The following DMD variants were observed in gnomAD, a reference collection of about 807,000 sequenced individuals.
The protein encoded by DMD is dystrophin.
In DMD, 63 loss-of-function variants were observed where a neutral mutation model predicts 330.1. The observed-to-expected ratio is 0.19, with a 90% CI of 0.16 to 0.24. DMD has a LOEUF of 0.24. Ranked by LOEUF, DMD falls within the 10% of genes least tolerant of loss-of-function variation. DMD has a pLI of 1.00. For synonymous variants in DMD, 1,223 were observed against 959.8 expected (o/e 1.27, Z -5.07); for missense variants, 3,344 against 2,684.1 (o/e 1.25, Z -5.43).
intron 55 of DMD, among the ~76,000 whole-genome samples, chrX:31,538,466 T>C (rs1308489915): frequency 1.8e-5 from 2 of 112,188 alleles, no homozygotes; most frequent in Non-Finnish European, 3.8e-5. Flanking sequence ...CTCTAGTGTC[T>C]AGCCTAATGT....
chrX:31,640,608 T>G (rs867907287), intron 54 of DMD, among the ~76,000 whole-genome samples: 4 of 112,354 alleles, frequency 3.6e-5, no homozygotes, highest in Non-Finnish European at 7.5e-5. Flanking sequence ...AACTAATAGA[T>G]AGGGACATGT....
chrX:32,756,509 A>T (rs1163494756), intron 7 of DMD: 1 of 111,691 alleles, frequency 9.0e-6, no homozygotes, highest in Non-Finnish European at 1.9e-5. Context: ...AAATAACCCT[A>T]TGGGCAACTT....
chrX:31,403,679 C>G (rs759211900), intron 60 of DMD, among the ~76,000 whole-genome samples: 1 of 111,746 alleles, frequency 8.9e-6, no homozygotes, highest in South Asian at 3.7e-4. Flanking sequence ...AAACAGAAAT[C>G]TATTTGTAGG....
In DMD at chrX:33,179,432, C is replaced by G. The variant is rs753911985; in HGVS notation, c.31+31850G>C. On this transcript the variant is annotated intron_variant, in intron 1 of 78. Coordinates refer to ENST00000357033, the MANE Select transcript of DMD (RefSeq NM_004006.3). ...GAATGGGCCGGGTGCGATGGCTCAC[C>G]ACTGTAATCTCAGCACTTTGGGAGG... is the stretch of plus-strand genomic sequence containing the variant. Among the ~76,000 whole-genome samples the G allele has an allele frequency of 1.2e-4, 13 of 110,918 alleles. No individual in the cohort carries two copies. In the East Asian group the frequency reaches 3.4e-3, roughly 29 times the overall value.
intron 62 of DMD, among the ~76,000 whole-genome samples, chrX:31,314,235 C>T (rs1310388207): frequency 8.9e-6 from 1 of 112,315 alleles, no homozygotes; most frequent in Non-Finnish European, 1.9e-5. Context: ...ATAGTAGGCA[C>T]ACATTAAACT....
intron 67 of DMD, 161 bp from the exon 68 acceptor site, chrX:31,183,065 CA>C (rs1481359765): frequency 6.4e-6 from 3 of 465,318 alleles, no homozygotes; most frequent in Non-Finnish European, 1.1e-5. Flanking sequence ...CTTGTTTCTG[CA>C]AATGCTCCCT....
intron 76 of DMD, among the ~76,000 whole-genome samples, chrX:31,143,500 A>G (rs183567662): frequency 6.8e-4 from 76 of 111,957 alleles, no homozygotes; most frequent in African/African-American, 2.2e-3. Flanking sequence ...AGCAGTGTGA[A>G]AACAGATTAA....
chrX:31,414,242 T>C (rs958511423), intron 60 of DMD, among the ~76,000 whole-genome samples: 2 of 111,044 alleles, frequency 1.8e-5, no homozygotes, highest in Non-Finnish European at 3.8e-5. Context: ...CTTGAACTCC[T>C]GACATCAAAT....
rs184897608 is a variant in DMD, at chrX:33,200,456, G to A, written c.31+10826C>T. Among the ~76,000 whole-genome samples, 205 of 111,205 alleles carry A rather than the reference G, an allele frequency of 1.8e-3. 1 individual carries two copies. The highest frequency in any genetic ancestry group is 4.2e-3 in the Admixed American group (44 of 10,437). ...AGAAAGACAAAAAGAGAAGATCTATGCACACTAGTAATATTGAAAGAAATG... is the reference window on the plus strand; with the variant it reads ...AGAAAGACAAAAAGAGAAGATCTATACACACTAGTAATATTGAAAGAAATG... On this transcript the variant is annotated intron_variant, in intron 1 of 78. Coordinates refer to ENST00000357033, the MANE Select transcript of DMD (RefSeq NM_004006.3).
chrX:31,215,016 G>A (rs186706292), intron 64 of DMD, among the ~76,000 whole-genome samples: 2,100 of 85,890 alleles, frequency 0.024, 22 homozygotes, highest in Middle Eastern at 0.054. Context: ...ATCTCGGCTC[G>A]CTGCAAGCTC....
intron 2 of DMD, among the ~76,000 whole-genome samples, chrX:32,891,036 T>C (rs2085150345): frequency 8.9e-6 from 1 of 112,355 alleles, no homozygotes; most frequent in Admixed American, 9.4e-5. Context: ...TGATTACATG[T>C]TGAAATATTT....
intron 17 of DMD, among the ~76,000 whole-genome samples, chrX:32,541,211 T>G (rs978355075): frequency 3.6e-5 from 4 of 111,188 alleles, no homozygotes; most frequent in Non-Finnish European, 7.6e-5. Context: ...TGAGATAATG[T>G]TTATTATGGA....
chrX:31,147,618 GTA>G, intron 74 of DMD, 100 bp from the exon 75 acceptor site: 1 of 622,527 alleles, frequency 1.6e-6, no homozygotes, highest in Non-Finnish European at 2.5e-6. Flanking sequence ...ATATACCATG[GTA>G]GATAGATGCA....
chrX:31,146,844 T>C (rs942421809), intron 75 of DMD, among the ~76,000 whole-genome samples: 2 of 112,062 alleles, frequency 1.8e-5, no homozygotes, highest in African/African-American at 3.2e-5. Context: ...GTAGGTCCTC[T>C]TACAATGCAG....
chrX:32,174,706 C>T (rs773821280), intron 44 of DMD, among the ~76,000 whole-genome samples: 3 of 111,659 alleles, frequency 2.7e-5, no homozygotes, highest in East Asian at 2.8e-4. Context: ...CTATTGCTCA[C>T]GTATATTTTA....
chrX:32,921,129 G>A (rs5928115), intron 2 of DMD, among the ~76,000 whole-genome samples: 32,892 of 110,754 alleles, frequency 0.3, 3,772 homozygotes, highest in Middle Eastern at 0.38. Flanking sequence ...TGTTGAAACT[G>A]TTTTTCTTGA....
intron 47 of DMD, among the ~76,000 whole-genome samples, chrX:31,906,099 G>T (rs767029114): frequency 9.0e-6 from 1 of 111,195 alleles, no homozygotes; most frequent in African/African-American, 3.3e-5. Context: ...CCCTCATGCT[G>T]TTCTTGTGAC....
At chrX:31,640,749 A>G (rs2079690498) in intron 54 of DMD, among the ~76,000 whole-genome samples, 1 of 111,996 alleles carries the variant, frequency 8.9e-6, no homozygotes, top group African/African-American at 3.2e-5. Flanking sequence ...CTTCTCTCCT[A>G]TATTTCTGAG....
chrX:32,868,839 C>T (rs1300411617), intron 2 of DMD, among the ~76,000 whole-genome samples: 1 of 112,148 alleles, frequency 8.9e-6, no homozygotes, highest in African/African-American at 3.2e-5. Flanking sequence ...CTAAAGAATC[C>T]GGGAAGCCCA....
Sources: gnomAD v4.1 joint callset for allele counts (sites outside exome capture counted in the v4.1 genomes callset) on GRCh38, gnomAD v4.1.1 for gene constraint, MANE v1.5 for transcripts, NCBI Gene and HGNC (gene_info 2026-07-23, HGNC 2026-07-21) for gene names.